Variants in CARM1 observed in about 807,000 individuals in gnomAD.
CARM1 encodes histone-arginine methyltransferase CARM1.
CARM1 carries 14 observed loss-of-function variants against 72.7 expected under a neutral mutation model. That is an observed-to-expected ratio of 0.19 (90% CI 0.13 to 0.30). The LOEUF is 0.30. Ranked by LOEUF, CARM1 falls within the 10% of genes least tolerant of loss-of-function variation. CARM1 has a pLI of 1.00. For missense variants in CARM1, 432 were observed against 833.7 expected (o/e 0.52, Z 5.93); for synonymous variants, 333 against 345.5 (o/e 0.96, Z 0.40).
In CARM1 at chr19:10,921,045, CA is replaced by C; in HGVS notation, c.1538-4del. ...CAGCCCTGACGTCTCCCTCTCTGGACACAGGGATGCCGACCGCCTATGACTT... is the reference window on the plus strand; with the variant it reads ...CAGCCCTGACGTCTCCCTCTCTGGACCAGGGATGCCGACCGCCTATGACTT... On this transcript the variant is annotated splice_region_variant and splice_polypyrimidine_tract_variant and intron_variant, in intron 13 of 15. Coordinates refer to ENST00000327064, the MANE Select transcript of CARM1 (RefSeq NM_199141.2). 6.2e-7 allele frequency: 1 copy of C among 1,614,018 alleles called. No homozygotes were observed. The highest frequency in any genetic ancestry group is 8.5e-7 in the Non-Finnish European group (1 of 1,179,858).
intron 1 of CARM1, among the ~76,000 whole-genome samples, chr19:10,887,382 G>A (rs979945015): frequency 4.6e-5 from 7 of 152,146 alleles, no homozygotes; most frequent in African/African-American, 9.7e-5. Context: ...TGCCCCCTTC[G>A]CCTGTGCCAC....
At chr19:10,898,547 G>GC (rs1359709325) in intron 1 of CARM1, among the ~76,000 whole-genome samples, 3 of 152,248 alleles carry the variant, frequency 2.0e-5, no homozygotes, top group Non-Finnish European at 4.4e-5. Context: ...CTGGGGTCCT[G>GC]CCCCCTTCCG....
At chr19:10,898,471 G>T (rs2074039806) in intron 1 of CARM1, among the ~76,000 whole-genome samples, 1 of 152,248 alleles carries the variant, frequency 6.6e-6, no homozygotes. Context: ...TGCGCCGGCT[G>T]ATGCCGCAAC....
At chr19:10,904,656 C>A (rs1381426883) in intron 1 of CARM1, among the ~76,000 whole-genome samples, 1 of 152,236 alleles carries the variant, frequency 6.6e-6, no homozygotes, top group East Asian at 1.9e-4. Context: ...TTCCTGTGGG[C>A]CAGCACCATG....
At chr19:10,919,763 C>T (rs577772378) in intron 9 of CARM1, 83 bp downstream of exon 9, 724 of 1,503,074 alleles carry the variant, frequency 4.8e-4, no homozygotes, top group Non-Finnish European at 5.7e-4. Context: ...GGCATCCTGC[C>T]GTCCCAGGGC....
At position 10,915,648 on chromosome 19, in the gene CARM1, TAAG is replaced by T. The variant is rs1470135081; in HGVS notation, c.848-758_848-756del. Among the ~76,000 whole-genome samples, 2 of 152,026 alleles carry T rather than the reference TAAG, an allele frequency of 1.3e-5. No homozygotes were observed. Among genetic ancestry groups the T allele is most frequent in the Non-Finnish European group, 2.9e-5 (2 of 67,978 alleles). On this transcript the variant is annotated intron_variant, in intron 6 of 15. Transcript: ENST00000327064. This position sits in a 1 kb window ranked among gnomAD's most constrained non-coding sequence, Gnocchi z 4.6. ...TCGCCTCGGGTACAGCCTGGTGGCG[TAAG>T]GAGGAGGCAGAGTCCCACTGATACC...
chr19:10,900,463 G>A (rs2074055679), intron 1 of CARM1, among the ~76,000 whole-genome samples: 1 of 151,996 alleles, frequency 6.6e-6, no homozygotes, highest in African/African-American at 2.4e-5. Flanking sequence ...GGCTTCTTTC[G>A]GCATGATGTT....
chr19:10,885,499 T>C (rs558443122), intron 1 of CARM1, among the ~76,000 whole-genome samples: 1 of 152,336 alleles, frequency 6.6e-6, no homozygotes, highest in East Asian at 1.9e-4. Flanking sequence ...GCATGGGTGC[T>C]ACTCCTGGCG....
intron 1 of CARM1, among the ~76,000 whole-genome samples, chr19:10,874,630 GA>G (rs1381195407): frequency 6.6e-6 from 1 of 152,100 alleles, no homozygotes; most frequent in East Asian, 1.9e-4. Context: ...GGGCTCAAGT[GA>G]TCCTCCCTCC....
chr19:10,917,409 A>G (rs999502217), intron 8 of CARM1, among the ~76,000 whole-genome samples: 10 of 152,022 alleles, frequency 6.6e-5, no homozygotes, highest in South Asian at 2.1e-4. Flanking sequence ...CCCGGGAGGC[A>G]GAGCTTGCAG....
At chr19:10,908,235 C>A in intron 3 of CARM1, 90 bp downstream of exon 3, 1 of 832,204 alleles carries the variant, frequency 1.2e-6, no homozygotes. Flanking sequence ...CAGGGAAGGC[C>A]CACCCAAGTT....
At chr19:10,888,063 C>A (rs2073954606) in intron 1 of CARM1, among the ~76,000 whole-genome samples, 1 of 152,220 alleles carries the variant, frequency 6.6e-6, no homozygotes, top group African/African-American at 2.4e-5. Context: ...CTCATTCAGC[C>A]CGACCTTCCA....
chr19:10,871,805 G>A lies in CARM1; in HGVS notation c.103G>A (p.Ala35Thr). Reference sequence around the variant, plus strand: ...CGCTACCGTGTCGGTGTTCCCCGGCGCCCGCCTCCTCACCATCGGCGACGC... The same window carrying A: ...CGCTACCGTGTCGGTGTTCCCCGGCACCCGCCTCCTCACCATCGGCGACGC... ...PCATVSVFPG[A>T]RLLTIGDANG... Residue 35 changes from alanine to threonine, a missense_variant, in exon 1 of 16, where the codon GCC (alanine) becomes ACC (threonine). Ala to Thr is a moderately conservative substitution (Grantham distance 58). Around this residue, in one of 3 missense-constraint regions of CARM1, gnomAD observed 138 missense variants for 192.3 expected, o/e 0.72. Coordinates refer to ENST00000327064, the MANE Select transcript of CARM1 (RefSeq NM_199141.2). This position sits in a 1 kb window ranked among gnomAD's most constrained non-coding sequence, Gnocchi z 5.6. 2 of 1,246,564 alleles carry A rather than the reference G, an allele frequency of 1.6e-6. No homozygotes were observed. The highest frequency in any genetic ancestry group is 1.0e-6 in the Non-Finnish European group (1 of 988,070). The allele number at this position is 1,246,564 out of a possible 1,614,324, so 77.2% of individuals were successfully genotyped here.
At chr19:10,880,128 C>G (rs565256158) in intron 1 of CARM1, among the ~76,000 whole-genome samples, 1 of 152,332 alleles carries the variant, frequency 6.6e-6, no homozygotes, top group African/African-American at 2.4e-5. Flanking sequence ...CTCAGGAAGA[C>G]CTCTGTGGCA....
intron 1 of CARM1, among the ~76,000 whole-genome samples, chr19:10,873,803 C>T (rs1303648657): frequency 6.6e-6 from 1 of 151,490 alleles, no homozygotes; most frequent in African/African-American, 2.4e-5. Flanking sequence ...CCATGCCCGG[C>T]TAATTTTTTG....
At chr19:10,889,481 A>ATTTT (rs35291257) in intron 1 of CARM1, among the ~76,000 whole-genome samples, 1 of 129,450 alleles carries the variant, frequency 7.7e-6, no homozygotes, top group African/African-American at 2.9e-5. Flanking sequence ...TGCCCGGCTA[A>ATTTT]TTTTTTTTTT....
At chr19:10,885,481 C>T (rs539620095) in intron 1 of CARM1, among the ~76,000 whole-genome samples, 13 of 152,264 alleles carry the variant, frequency 8.5e-5, no homozygotes, top group African/African-American at 2.2e-4. Flanking sequence ...ACCTGCCCAG[C>T]GGTGTGGGCA....
intron 1 of CARM1, among the ~76,000 whole-genome samples, chr19:10,902,281 T>C (rs1735809447): frequency 6.8e-6 from 1 of 147,366 alleles, no homozygotes; most frequent in African/African-American, 2.5e-5. Flanking sequence ...TACAAAATAA[T>C]TGTTGTTTCT....
chr19:10,893,824 G>A (rs2074005441), intron 1 of CARM1, among the ~76,000 whole-genome samples: 2 of 152,246 alleles, frequency 1.3e-5, no homozygotes, highest in African/African-American at 4.8e-5. Context: ...TTTGGGATGT[G>A]TCAGGGTGGT....
Sources: allele counts gnomAD v4.1 joint callset (sites outside exome capture counted in the v4.1 genomes callset), GRCh38; gene constraint gnomAD v4.1.1; regional missense constraint gnomAD v4.1.1; non-coding constraint Gnocchi (gnomAD v3.1); transcripts MANE v1.5; gene names NCBI Gene and HGNC (gene_info 2026-07-23, HGNC 2026-07-21).